Variants in R3HDM1 observed in about 807,000 individuals in gnomAD.
The protein encoded by R3HDM1 is R3H domain-containing protein 1.
A neutral mutation model predicts 141.1 loss-of-function variants in R3HDM1; 46 were observed. The observed-to-expected ratio is 0.33, with a 90% confidence interval of 0.26 to 0.42. R3HDM1 has a LOEUF of 0.42. R3HDM1 is among the 10% of genes least tolerant of loss of function. The pLI is 1.00. For synonymous variants in R3HDM1, 435 were observed against 472.9 expected (o/e 0.92, Z 1.04); for missense variants, 1,184 against 1,368.3 (o/e 0.87, Z 2.12).
chr2:135,559,074 T>TGTGTGTGTGTGTGTGCATGC (rs1701302020), intron 1 of R3HDM1: 1 of 955,082 alleles, frequency 1.0e-6, no homozygotes, highest in African/African-American at 1.8e-5. Context: ...TGTGTGTGTG[T>TGTGTGTGTGTGTGTGCATGC]GTGTGTGTGT....
chr2:135,562,138 G>T (rs1341439007), intron 1 of R3HDM1, among the ~76,000 whole-genome samples: 1 of 152,192 alleles, frequency 6.6e-6, no homozygotes, highest in Non-Finnish European at 1.5e-5. Flanking sequence ...ATCTCAGATA[G>T]TTACAATGAA....
intron 1 of R3HDM1, among the ~76,000 whole-genome samples, chr2:135,564,744 A>G (rs1212140637): frequency 6.6e-6 from 1 of 152,236 alleles, no homozygotes; most frequent in African/African-American, 2.4e-5. Flanking sequence ...TAAATATGTA[A>G]TACACATTCA....
intron 1 of R3HDM1, among the ~76,000 whole-genome samples, chr2:135,547,246 T>A (rs1698880953): frequency 6.6e-6 from 1 of 152,196 alleles, no homozygotes; most frequent in Non-Finnish European, 1.5e-5. Context: ...GTAGCATTTT[T>A]AAAAATCAAA....
intron 1 of R3HDM1, chr2:135,581,187 C>G: frequency 2.0e-6 from 2 of 985,168 alleles, no homozygotes; most frequent in Non-Finnish European, 2.4e-6. Flanking sequence ...TAATGGTTGC[C>G]TATATTAAGG....
At chr2:135,650,298 C>T in intron 17 of R3HDM1, 1 of 985,414 alleles carries the variant, frequency 1.0e-6, no homozygotes, top group Non-Finnish European at 1.2e-6. Flanking sequence ...ATTGAGGCCA[C>T]TGCAGGATCT....
At chr2:135,544,813 A>C (rs1698348779) in intron 1 of R3HDM1, among the ~76,000 whole-genome samples, 1 of 152,010 alleles carries the variant, frequency 6.6e-6, no homozygotes, top group South Asian at 2.1e-4. Context: ...AATACAAAGA[A>C]ATTAGCTAGG....
intron 19 of R3HDM1, among the ~76,000 whole-genome samples, chr2:135,668,657 G>GA (rs1369176025): frequency 6.6e-6 from 1 of 152,110 alleles, no homozygotes; most frequent in Admixed American, 6.6e-5. Context: ...TCAGTGGATG[G>GA]AAAAAAGTCA....
chr2:135,695,182 T>C (rs546349854), intron 21 of R3HDM1, among the ~76,000 whole-genome samples: 2 of 152,278 alleles, frequency 1.3e-5, no homozygotes, highest in East Asian at 1.9e-4. Context: ...AGCTCAAAAA[T>C]ACTGTTACAA....
intron 5 of R3HDM1, among the ~76,000 whole-genome samples, chr2:135,619,432 T>A (rs1351179131): frequency 2.0e-5 from 3 of 152,204 alleles, no homozygotes; most frequent in Non-Finnish European, 4.4e-5. Context: ...TTTTTTGTGT[T>A]GACAGTTCAA....
chr2:135,596,037 C>T (rs1052259634), intron 1 of R3HDM1, among the ~76,000 whole-genome samples: 1 of 152,112 alleles, frequency 6.6e-6, no homozygotes, highest in South Asian at 2.1e-4. Flanking sequence ...CTCGTTCTGT[C>T]GCCCAGGCTG....
intron 1 of R3HDM1, among the ~76,000 whole-genome samples, chr2:135,580,727 A>G (rs1196596037): frequency 6.6e-6 from 1 of 152,222 alleles, no homozygotes; most frequent in African/African-American, 2.4e-5. Context: ...TTTTAAAACA[A>G]CAAACTCTTA....
chr2:135,616,225 CA>C (rs774309131), intron 4 of R3HDM1, 32 bp downstream of exon 4: 8 of 1,580,288 alleles, frequency 5.1e-6, no homozygotes, highest in Non-Finnish European at 7.0e-6. Flanking sequence ...GCTGGCATGC[CA>C]AGGGCCTTCC....
chr2:135,610,871 G>A (rs917487867), intron 3 of R3HDM1, among the ~76,000 whole-genome samples: 13 of 152,052 alleles, frequency 8.5e-5, no homozygotes, highest in Non-Finnish European at 1.5e-4. Flanking sequence ...TTGGGATGCC[G>A]AGGCAGGAGG....
At chr2:135,705,607 G>A (rs2074795946) in intron 21 of R3HDM1, among the ~76,000 whole-genome samples, 1 of 152,082 alleles carries the variant, frequency 6.6e-6, no homozygotes, top group Non-Finnish European at 1.5e-5. Context: ...CTGCATTCCA[G>A]CCTGAGGAAT....
intron 15 of R3HDM1, among the ~76,000 whole-genome samples, chr2:135,644,364 G>A (rs138612486): frequency 0.015 from 2,299 of 152,092 alleles, 34 homozygotes; most frequent in Non-Finnish European, 0.02. Context: ...TTAGCCGGGC[G>A]TGGTGGCAGG....
intron 1 of R3HDM1, among the ~76,000 whole-genome samples, chr2:135,579,393 T>C (rs1706233321): frequency 6.6e-6 from 1 of 152,142 alleles, no homozygotes; most frequent in Non-Finnish European, 1.5e-5. Flanking sequence ...CTTCCTTACA[T>C]GGAATTCCAA....
chr2:135,670,649 G>A (rs2068203339), intron 19 of R3HDM1, among the ~76,000 whole-genome samples: 1 of 152,046 alleles, frequency 6.6e-6, no homozygotes, highest in African/African-American at 2.4e-5. Context: ...ATCTATAAGT[G>A]ATTATTTTCC....
chr2:135,720,566 A>C (rs557765686), intron 24 of R3HDM1, among the ~76,000 whole-genome samples: 1 of 152,360 alleles, frequency 6.6e-6, no homozygotes, highest in African/African-American at 2.4e-5. Context: ...TTCCTGAGTG[A>C]TAGAAAGCAA....
At position 135,724,239 on chromosome 2, in the gene R3HDM1, A is replaced by G; in HGVS notation, c.3352A>G (p.Thr1118Ala). The change falls in exon 27 of 27, where the codon ACA becomes GCA. Residue 1118 changes from threonine to alanine, a missense_variant. Transcript: ENST00000683871. ...INSVNKFKLRTSKKHYDFHIL... is the reference protein window; with the variant it reads ...INSVNKFKLRASKKHYDFHIL... ...CTCAGTTAACAAGTTTAAGCTGAGAACAAGCAAGAAGCACTATGACTTTCA... is the reference window on the plus strand; with the variant it reads ...CTCAGTTAACAAGTTTAAGCTGAGAGCAAGCAAGAAGCACTATGACTTTCA... The G allele has an allele frequency of 6.2e-7, 1 of 1,613,974 alleles. No homozygotes were observed. Among genetic ancestry groups the G allele is most frequent in the Non-Finnish European group, 8.5e-7 (1 of 1,179,984 alleles).
Sources: allele counts gnomAD v4.1 joint callset (sites outside exome capture counted in the v4.1 genomes callset), GRCh38; gene constraint gnomAD v4.1.1; transcripts MANE v1.5; gene names NCBI Gene and HGNC (gene_info 2026-07-23, HGNC 2026-07-21).